QTGAL: variants seen among roughly 807,000 people sequenced by gnomAD.
The protein encoded by QTGAL is BGnT-like protein 1.
the QTGAL span, chr17:82,943,713 T>G: frequency 6.6e-6 from 1 of 152,214 alleles, no homozygotes; most frequent in Non-Finnish European, 1.5e-5. Context: ...CACAGGAGTG[T>G]GGGGTTAACA....
the QTGAL span, chr17:82,946,834 T>C: frequency 2.1e-6 from 3 of 1,419,886 alleles, no homozygotes; most frequent in Non-Finnish European, 2.9e-6. Context: ...AAATGAAACA[T>C]AATAAAGAAA....
chr17:82,974,862 C>T, the QTGAL span, among the ~76,000 whole-genome samples: 1 of 152,222 alleles, frequency 6.6e-6, no homozygotes, highest in African/African-American at 2.4e-5. Flanking sequence ...GAACGTGGGG[C>T]TGGGACAGAG....
chr17:82,982,415 C>T, the QTGAL span, among the ~76,000 whole-genome samples: 1 of 152,226 alleles, frequency 6.6e-6, no homozygotes, highest in Non-Finnish European at 1.5e-5. Flanking sequence ...GAAGAAAACG[C>T]TCAGATTCAA....
the QTGAL span, among the ~76,000 whole-genome samples, chr17:82,964,141 T>C: frequency 2.0e-5 from 3 of 150,240 alleles, no homozygotes; most frequent in Non-Finnish European, 4.4e-5. Context: ...TGTGCACCTG[T>C]AGTCTCAGCT....
At chr17:83,006,757 G>T in the QTGAL span, 3 of 985,380 alleles carry the variant, frequency 3.0e-6, no homozygotes, top group African/African-American at 3.5e-5. This position sits in a 1 kb window ranked among gnomAD's most constrained non-coding sequence, Gnocchi z 5.8. Context: ...GTCACTGCAT[G>T]TAACAGTAGT....
the QTGAL span, among the ~76,000 whole-genome samples, chr17:83,021,204 G>A: frequency 5.3e-5 from 8 of 152,094 alleles, no homozygotes; most frequent in Non-Finnish European, 1.0e-4. Context: ...ACACTGTACT[G>A]GAGGTCCTAG....
the QTGAL span, chr17:83,007,297 C>T: frequency 2.0e-6 from 2 of 984,896 alleles, no homozygotes; most frequent in Admixed American, 6.2e-5. Flanking sequence ...GAGTTTTCCC[C>T]ACACCCAATC....
the QTGAL span, among the ~76,000 whole-genome samples, chr17:83,002,136 A>C: frequency 1.3e-5 from 2 of 152,096 alleles, no homozygotes; most frequent in African/African-American, 4.8e-5. Context: ...TACAGTATGT[A>C]ACTGATAAAA....
At chr17:82,947,301 T>TTTAA in the QTGAL span, 44 of 375,688 alleles carry the variant, frequency 1.2e-4, no homozygotes, top group South Asian at 6.1e-4. Context: ...CCTCTGCTGT[T>TTTAA]TGACCAGGGC....
At chr17:83,011,284 G>A in the QTGAL span, 18 of 152,374 alleles carry the variant, frequency 1.2e-4, no homozygotes, top group African/African-American at 2.9e-4. Flanking sequence ...GCTAACCTTG[G>A]ATAACGATGC....
At chr17:83,005,892 C>G in the QTGAL span, 1 of 1,365,778 alleles carries the variant, frequency 7.3e-7, no homozygotes, top group African/African-American at 1.5e-5. This position sits in a 1 kb window ranked among gnomAD's most constrained non-coding sequence, Gnocchi z 5.6. Flanking sequence ...ACCTCTGCCC[C>G]GGAGTGGGCT....
chr17:82,951,066 T>G, the QTGAL span, among the ~76,000 whole-genome samples: 1 of 152,238 alleles, frequency 6.6e-6, no homozygotes, highest in African/African-American at 2.4e-5. Context: ...AATATAAACT[T>G]GCACATGCTT....
chr17:82,981,619 T>A, the QTGAL span: 37,545 of 152,190 alleles, frequency 0.25, 5,820 homozygotes, highest in African/African-American at 0.44. Flanking sequence ...CCCTTCTTTC[T>A]TTCTTTCAAA....
chr17:82,998,239 C>T, the QTGAL span, among the ~76,000 whole-genome samples: 7 of 152,090 alleles, frequency 4.6e-5, no homozygotes, highest in South Asian at 2.1e-4. Context: ...CATAAATATA[C>T]GTACTTACTA....
chr17:83,015,359 C>T, the QTGAL span, among the ~76,000 whole-genome samples: 1 of 152,242 alleles, frequency 6.6e-6, no homozygotes, highest in African/African-American at 2.4e-5. The surrounding 1 kb of genome is among the most constrained non-coding windows in gnomAD (Gnocchi z 4.4). Context: ...GCCCTACTCA[C>T]ACACACAGAC....
the QTGAL span, chr17:82,948,615 C>CA: frequency 1.3e-5 from 2 of 152,252 alleles, no homozygotes; most frequent in Non-Finnish European, 2.9e-5. Context: ...ACATGAACTA[C>CA]AAAAATAGGA....
the QTGAL span, among the ~76,000 whole-genome samples, chr17:83,046,417 G>A: frequency 9.2e-5 from 14 of 152,328 alleles, no homozygotes; most frequent in African/African-American, 2.6e-4. Flanking sequence ...GATTAGAGGC[G>A]TGAGTCACCA....
chr17:83,020,879 A>C, the QTGAL span, among the ~76,000 whole-genome samples: 4 of 152,126 alleles, frequency 2.6e-5, no homozygotes, highest in East Asian at 7.7e-4. Flanking sequence ...AATTTGGGGA[A>C]GACAGAGAGA....
chr17:83,033,576 A>G, the QTGAL span, among the ~76,000 whole-genome samples: 28 of 148,918 alleles, frequency 1.9e-4, no homozygotes, highest in African/African-American at 6.5e-4. Context: ...GGTTCACGCC[A>G]TTCCCCTGCC....
Sources: gnomAD v4.1 joint callset for allele counts (sites outside exome capture counted in the v4.1 genomes callset) on GRCh38, gnomAD v4.1.1 for gene constraint, Gnocchi (gnomAD v3.1) non-coding constraint, MANE v1.5 for transcripts, NCBI Gene and HGNC (gene_info 2026-07-23, HGNC 2026-07-21) for gene names.